The following PCDH7 variants were observed in gnomAD, a reference collection of about 807,000 sequenced individuals.
PCDH7 encodes the protein protocadherin 7, also known as protocadherin-7.
In PCDH7, 17 loss-of-function variants were observed where a neutral mutation model predicts 58.9. The observed-to-expected ratio is 0.29, with a 90% CI of 0.20 to 0.43. PCDH7 has a LOEUF of 0.43. Among genes scored for constraint, PCDH7 ranks in the 20% least tolerant of loss-of-function variants. The pLI is 1.00. For missense variants in PCDH7, 1,274 were observed against 1,441.0 expected, an observed-to-expected ratio of 0.88 and a Z score of 1.88; for synonymous variants, 664 against 616.4, an observed-to-expected ratio of 1.08 and a Z score of -1.14.
chr4:30,972,231 C>A (rs1356599592), intron 3 of PCDH7, among the ~76,000 whole-genome samples: 1 of 152,126 alleles, frequency 6.6e-6, no homozygotes, highest in African/African-American at 2.4e-5. Flanking sequence ...ACCAGTATTT[C>A]ATTTGCCATT....
chr4:30,755,824 T>G (rs1398989247), intron 1 of PCDH7, among the ~76,000 whole-genome samples: 1 of 152,168 alleles, frequency 6.6e-6, no homozygotes, highest in East Asian at 1.9e-4. Flanking sequence ...CTCACACCTG[T>G]AATCCCAGCA....
At chr4:30,921,282 A>T (rs934684360) in intron 2 of PCDH7, among the ~76,000 whole-genome samples, 2 of 152,116 alleles carry the variant, frequency 1.3e-5, no homozygotes, top group Non-Finnish European at 2.9e-5. Flanking sequence ...AAGGAATCAC[A>T]CACATTTTAT....
intron 1 of PCDH7, among the ~76,000 whole-genome samples, chr4:30,878,968 C>T (rs920536475): frequency 1.3e-5 from 2 of 152,114 alleles, no homozygotes. Flanking sequence ...TACCAGTCAC[C>T]TAACTAATAT....
chr4:30,820,569 T>A (rs1728250967), intron 1 of PCDH7, among the ~76,000 whole-genome samples: 1 of 152,078 alleles, frequency 6.6e-6, no homozygotes, highest in Non-Finnish European at 1.5e-5. Flanking sequence ...AAACTGAGCA[T>A]ATTACTGTGA....
Position 30,721,220 on chromosome 4 carries a change from A to C in PCDH7, c.-203A>C. The C allele has an allele frequency of 1.9e-6, 1 of 540,008 alleles. No homozygotes were observed. The allele number at this position is 540,008 out of a possible 1,614,324, so 33.5% of individuals were successfully genotyped here. ...CTTTCGGAAGAAGCAGGAGGAAAAAAAGAAGCATCTATCGCTGCCCTCCCA... is the reference window on the plus strand; with the variant it reads ...CTTTCGGAAGAAGCAGGAGGAAAAACAGAAGCATCTATCGCTGCCCTCCCA... On this transcript the variant is annotated 5_prime_UTR_variant, in exon 1 of 2. Coordinates refer to ENST00000361762, the Ensembl canonical transcript of PCDH7. The surrounding 1 kb of genome is among the most constrained non-coding windows in gnomAD (Gnocchi z 6.7).
At chr4:30,854,466 GT>G (rs1402052538) in intron 1 of PCDH7, among the ~76,000 whole-genome samples, 3 of 151,390 alleles carry the variant, frequency 2.0e-5, no homozygotes, top group African/African-American at 7.3e-5. Flanking sequence ...GTTTTTTGTG[GT>G]TTCTTATTCC....
intron 2 of PCDH7, among the ~76,000 whole-genome samples, chr4:30,938,142 T>G (rs1338650737): frequency 6.6e-6 from 1 of 152,128 alleles, no homozygotes; most frequent in Non-Finnish European, 1.5e-5. Flanking sequence ...GATGTATGCC[T>G]CTGAGCTCTT....
At chr4:31,081,423 A>G (rs997811204) in intron 3 of PCDH7, among the ~76,000 whole-genome samples, 1 of 152,186 alleles carries the variant, frequency 6.6e-6, no homozygotes, top group Admixed American at 6.5e-5. Flanking sequence ...GATCATTCTT[A>G]TATAACATTT....
At chr4:30,733,904 A>C (rs114957889), downstream of PCDH7, among the ~76,000 whole-genome samples, 6,015 of 152,282 alleles carry the variant, frequency 0.039, 373 homozygotes, top group African/African-American at 0.14. Context: ...TTTGAGTCAC[A>C]AACTGCACTT....
chr4:30,927,307 T>C (rs1407831716), intron 2 of PCDH7, among the ~76,000 whole-genome samples: 2 of 152,186 alleles, frequency 1.3e-5, no homozygotes, highest in Non-Finnish European at 2.9e-5. Flanking sequence ...AAAAAAACCT[T>C]GTGCTGTGAG....
chr4:31,051,209 C>G (rs1258171326), intron 3 of PCDH7, among the ~76,000 whole-genome samples: 1 of 152,108 alleles, frequency 6.6e-6, no homozygotes, highest in Non-Finnish European at 1.5e-5. Flanking sequence ...TTACAAGCAT[C>G]TGTTAGCATG....
At chr4:30,987,262 A>C (rs1261228280) in intron 3 of PCDH7, among the ~76,000 whole-genome samples, 2 of 152,166 alleles carry the variant, frequency 1.3e-5, no homozygotes, top group Non-Finnish European at 1.5e-5. Flanking sequence ...CTAAGTAAGA[A>C]GGTTAGGAAA....
chr4:30,913,019 T>C, intron 1 of PCDH7, among the ~76,000 whole-genome samples: 2 of 150,834 alleles, frequency 1.3e-5, no homozygotes, highest in Middle Eastern at 6.9e-3. Flanking sequence ...ATATTATTAT[T>C]ATATATATAT....
chr4:31,077,686 T>A (rs961826924), intron 3 of PCDH7, among the ~76,000 whole-genome samples: 1 of 152,130 alleles, frequency 6.6e-6, no homozygotes, highest in Non-Finnish European at 1.5e-5. Context: ...TGAGAGCTGA[T>A]AGGATAGGTG....
At chr4:31,103,246 T>C (rs1347026568) in intron 3 of PCDH7, among the ~76,000 whole-genome samples, 1 of 152,212 alleles carries the variant, frequency 6.6e-6, no homozygotes, top group Admixed American at 6.5e-5. Flanking sequence ...TTTCTATAAT[T>C]AGAAAGCTTA....
At chr4:31,061,739 G>A (rs756701804) in intron 3 of PCDH7, among the ~76,000 whole-genome samples, 7 of 151,642 alleles carry the variant, frequency 4.6e-5, no homozygotes, top group Non-Finnish European at 1.0e-4. Flanking sequence ...TGCAACTCCT[G>A]TAATATTCAA....
In PCDH7 at chr4:30,722,414, G is replaced by A; in HGVS notation, c.992G>A (p.Arg331His). Residue 331 changes from arginine (R) to histidine (H), a missense_variant, in exon 1 of 2, where the codon CGC (arginine) becomes CAC (histidine). Arg to His is a conservative substitution (Grantham distance 29). This residue lies in a region of PCDH7 where 331 missense variants were observed against 303.2 expected (regional missense o/e 1.09). Coordinates refer to ENST00000361762, the Ensembl canonical transcript of PCDH7. This position sits in a 1 kb window ranked among gnomAD's most constrained non-coding sequence, Gnocchi z 7.6. Reference sequence around the variant, plus strand: ...CCGGGGACCCCCATCCTGCAACTGCGCGCAGCCGACTTGGACGTGGGGGTC... The same window carrying A: ...CCGGGGACCCCCATCCTGCAACTGCACGCAGCCGACTTGGACGTGGGGGTC... 1.2e-6 allele frequency: 2 copies of A among 1,612,596 alleles called. No homozygotes were observed. Among genetic ancestry groups the A allele is most frequent in the Non-Finnish European group, 1.7e-6 (2 of 1,179,918 alleles).
chr4:30,894,596 C>CAT (rs576995805), intron 1 of PCDH7, among the ~76,000 whole-genome samples: 24,784 of 123,720 alleles, frequency 0.2, 2,559 homozygotes, highest in Middle Eastern at 0.26. Context: ...CACACACACA[C>CAT]ATATATATAT....
chr4:30,821,890 G>A (rs569945424), intron 1 of PCDH7, among the ~76,000 whole-genome samples: 34 of 152,160 alleles, frequency 2.2e-4, no homozygotes, highest in Non-Finnish European at 4.1e-4. Context: ...AATAGAAACA[G>A]TGGGAAGGAT....
Sources: gnomAD v4.1 joint callset for allele counts (sites outside exome capture counted in the v4.1 genomes callset) on GRCh38, gnomAD v4.1.1 for gene constraint, gnomAD v4.1.1 regional missense constraint, Gnocchi (gnomAD v3.1) non-coding constraint, MANE v1.5 for transcripts, NCBI Gene and HGNC (gene_info 2026-07-23, HGNC 2026-07-21) for gene names.